The following DNAI4 variants were observed in gnomAD, a reference collection of about 807,000 sequenced individuals.
The protein encoded by DNAI4 is WD repeat domain 78.
A neutral mutation model predicts 105.8 loss-of-function variants in DNAI4; 85 were observed. The ratio of observed to expected loss-of-function variants is 0.80; its 90% CI spans 0.67 to 0.96. The LOEUF is 0.96. DNAI4 is among the 40% of genes least tolerant of loss of function. The pLI is 0.00. For missense variants in DNAI4, 1,014 were observed against 1,005.6 expected (o/e 1.01, Z -0.11); for synonymous variants, 352 against 331.5 (o/e 1.06, Z -0.67).
At chr1:66,869,073 A>AAAATAAATAAATAAATAAAT (rs547848121) in intron 6 of DNAI4, among the ~76,000 whole-genome samples, 100 of 148,738 alleles carry the variant, frequency 6.7e-4, no homozygotes, top group African/African-American at 2.5e-3. Context: ...ACTCTGTCTC[A>AAAATAAATAAATAAATAAAT]AAATAAATAA....
intron 16 of DNAI4, among the ~76,000 whole-genome samples, chr1:66,815,888 C>T (rs1042426585): frequency 6.6e-6 from 1 of 152,188 alleles, no homozygotes; most frequent in African/African-American, 2.4e-5. Context: ...GGTGTTACCC[C>T]TAACCATGAA....
intron 2 of DNAI4, among the ~76,000 whole-genome samples, chr1:66,902,896 T>C (rs79881987): frequency 0.01 from 1,570 of 152,368 alleles, 21 homozygotes; most frequent in Middle Eastern, 0.02. Context: ...CATTGGTCTA[T>C]ACCGTATGTT....
chr1:66,894,220 A>G (rs1472598219), intron 2 of DNAI4, among the ~76,000 whole-genome samples: 6 of 152,202 alleles, frequency 3.9e-5, no homozygotes, highest in Non-Finnish European at 2.9e-5. Context: ...AGCTCCATGC[A>G]TATTACTGCC....
intron 8 of DNAI4, among the ~76,000 whole-genome samples, chr1:66,842,256 G>T (rs58322950): frequency 2.0e-5 from 3 of 152,122 alleles, no homozygotes; most frequent in African/African-American, 4.8e-5. Flanking sequence ...CCAAGTTGGG[G>T]CAATTATGAG....
intron 2 of DNAI4, among the ~76,000 whole-genome samples, chr1:66,901,199 T>G (rs1001228497): frequency 3.3e-5 from 5 of 152,212 alleles, no homozygotes; most frequent in African/African-American, 9.6e-5. Context: ...TTCATTAATT[T>G]CCACCCAAAT....
intron 7 of DNAI4, among the ~76,000 whole-genome samples, chr1:66,858,532 C>CAAAAAAA (rs3033717): frequency 7.5e-4 from 48 of 63,578 alleles, no homozygotes; most frequent in African/African-American, 2.0e-3. Context: ...GACTCCGTCT[C>CAAAAAAA]AAAAAAAAAA....
chr1:66,862,212 C>A lies in DNAI4; in HGVS notation c.1031G>T (p.Ser344Ile), dbSNP rs1364630527. 4 of 1,608,208 alleles carry A rather than the reference C, an allele frequency of 2.5e-6. No individual in the cohort carries two copies. The highest frequency in any genetic ancestry group is 2.2e-5 in the South Asian group (2 of 89,610). ...LSVKQSVVES[S>I]SKANVLPKDQ... ...TTTAGGAAGTACATTTGCTTTACTA[C>A]TTGACTCAACCACAGATTGTTTTAC... The change falls in exon 7 of 17, where the codon AGT becomes ATT. Residue 344 changes from serine to isoleucine, a missense_variant. Transcript: ENST00000371026.
At chr1:66,848,356 G>A (rs1482828798) in intron 7 of DNAI4, 4 of 426,072 alleles carry the variant, frequency 9.4e-6, no homozygotes, top group Admixed American at 5.5e-5. Context: ...TGATTAGACT[G>A]GGCCCAATAA....
chr1:66,913,105 T>G (rs947385903), intron 1 of DNAI4, among the ~76,000 whole-genome samples: 2 of 152,170 alleles, frequency 1.3e-5, no homozygotes, highest in African/African-American at 4.8e-5. Flanking sequence ...TTTTTTGGTT[T>G]GTTTGTTTTT....
At chr1:66,879,365 T>C (rs1647020202) in intron 4 of DNAI4, among the ~76,000 whole-genome samples, 1 of 152,228 alleles carries the variant, frequency 6.6e-6, no homozygotes, top group South Asian at 2.1e-4. Flanking sequence ...GATTCATAGC[T>C]CATTTTTTTA....
intron 7 of DNAI4, among the ~76,000 whole-genome samples, chr1:66,851,424 T>C (rs1288553399): frequency 6.6e-6 from 1 of 151,922 alleles, no homozygotes; most frequent in East Asian, 1.9e-4. Context: ...AGGGTATATA[T>C]GAACTCAACA....
rs1223262995 is a variant in DNAI4 at position 66,905,282 on chromosome 1, T to C, written c.264A>G (p.Arg88=). 1.9e-6 allele frequency: 3 copies of C among 1,586,804 alleles called. No individual in the cohort carries two copies. The South Asian group carries it at 3.5e-5, about 18-fold the overall frequency. The change falls in exon 2 of 17, where the codon AGA becomes AGG. Residue 88 remains arginine (R), a synonymous_variant. Transcript: ENST00000371026. ...TAAGCACGGTTTTGGACACAGCCAT[T>C]CTGCTTTGATTTGCACCAGTATATC... ...VKGYTGANQS[R]MAVSKTVLIP... is the part of the protein sequence containing the mutation.
chr1:66,832,491 A>G (rs982723679), intron 13 of DNAI4, among the ~76,000 whole-genome samples: 5 of 152,132 alleles, frequency 3.3e-5, no homozygotes, highest in Admixed American at 2.0e-4. Flanking sequence ...ACTGATAGAG[A>G]GTACAAGGAT....
At chr1:66,886,946 C>A (rs1212190443) in intron 4 of DNAI4, among the ~76,000 whole-genome samples, 2 of 152,042 alleles carry the variant, frequency 1.3e-5, no homozygotes, top group Non-Finnish European at 2.9e-5. Context: ...CCCCACCCCC[C>A]ATCCCCAGAC....
chr1:66,821,773 C>G (rs1645632026), intron 16 of DNAI4, among the ~76,000 whole-genome samples: 1 of 151,196 alleles, frequency 6.6e-6, no homozygotes, highest in South Asian at 2.1e-4. Context: ...CTAATATTTA[C>G]CAGATTATTG....
At chr1:66,870,410 C>A (rs1452654340) in intron 6 of DNAI4, among the ~76,000 whole-genome samples, 1 of 148,908 alleles carries the variant, frequency 6.7e-6, no homozygotes, top group East Asian at 2.0e-4. Flanking sequence ...CCATCGCACT[C>A]CAGCCTGGGT....
chr1:66,924,686 C>T lies in DNAI4; in HGVS notation c.146G>A (p.Ser49Asn). Reference sequence around the variant, plus strand: ...CAACCCGAAGTTCTGCTGCTTGTGACTGCCTGCCGGAGAGACTGGCATGGT... The same window carrying T: ...CAACCCGAAGTTCTGCTGCTTGTGATTGCCTGCCGGAGAGACTGGCATGGT... ...VATMPVSPAG[S>N]HKQQNFGLNN... is the part of the protein sequence containing the mutation. Residue 49 changes from serine (S) to asparagine (N), a missense_variant, in exon 1 of 17, where the codon AGT becomes AAT. Physicochemically the swap from Ser to Asn is conservative, Grantham distance 46. Transcript: ENST00000371026. 4 of 1,614,254 alleles carry T rather than the reference C, an allele frequency of 2.5e-6. No homozygotes were observed. The highest frequency in any genetic ancestry group is 2.2e-5 in the East Asian group (1 of 44,876).
intron 1 of DNAI4, among the ~76,000 whole-genome samples, chr1:66,915,183 G>C (rs1649976593): frequency 2.6e-5 from 4 of 152,156 alleles, no homozygotes; most frequent in African/African-American, 9.7e-5. Flanking sequence ...AGCTCATCTT[G>C]AATTATTTAG....
chr1:66,910,097 C>G (rs927370160), intron 1 of DNAI4, among the ~76,000 whole-genome samples: 3 of 152,036 alleles, frequency 2.0e-5, no homozygotes, highest in African/African-American at 7.2e-5. Context: ...CCTGTAATCC[C>G]AGTACTTTGG....
Sources: allele counts gnomAD v4.1 joint callset (sites outside exome capture counted in the v4.1 genomes callset), GRCh38; gene constraint gnomAD v4.1.1; transcripts MANE v1.5; gene names NCBI Gene and HGNC (gene_info 2026-07-23, HGNC 2026-07-21).